TMPRSS11A: variants seen among roughly 807,000 people sequenced by gnomAD.
TMPRSS11A encodes the protein transmembrane serine protease 11A, also known as transmembrane protease serine 11A.
A neutral mutation model predicts 58.9 loss-of-function variants in TMPRSS11A; 53 were observed. The observed-to-expected ratio is 0.90, with a 90% CI of 0.72 to 1.13. TMPRSS11A has a LOEUF of 1.13. TMPRSS11A is among the 50% of genes most tolerant of loss of function. The probability of loss-of-function intolerance (pLI) is 0.00; values close to 1 mark genes in which losing one functional copy is unlikely to be tolerated. For missense variants in TMPRSS11A, 493 were observed against 499.3 expected, an observed-to-expected ratio of 0.99 and a Z score of 0.12; for synonymous variants, 167 against 169.8, an observed-to-expected ratio of 0.98 and a Z score of 0.13.
rs1354792919 is a variant in TMPRSS11A at position 67,911,299 on chromosome 4, T to C, written c.*43A>G. The C allele has an allele frequency of 3.1e-6, 5 of 1,592,912 alleles. No individual in the cohort carries two copies. The East Asian group carries it at 8.9e-5, about 28-fold the overall frequency. On this transcript the variant is annotated 3_prime_UTR_variant, in exon 10 of 10. Coordinates refer to ENST00000508048, the MANE Select transcript of TMPRSS11A (RefSeq NM_001114387.2). ...CTAAATAGTTGAATTCTCATGCATATATGACCTGCATACAGCTTTCTTTGT... is the reference window on the plus strand; with the variant it reads ...CTAAATAGTTGAATTCTCATGCATACATGACCTGCATACAGCTTTCTTTGT...
intron 1 of TMPRSS11A, among the ~76,000 whole-genome samples, chr4:67,954,460 G>A (rs1459653801): frequency 6.6e-6 from 1 of 152,174 alleles, no homozygotes; most frequent in Non-Finnish European, 1.5e-5. Flanking sequence ...ATTAATTTCA[G>A]TTCTTATCCC....
chr4:67,958,070 A>C (rs959307603), intron 1 of TMPRSS11A, among the ~76,000 whole-genome samples: 1 of 152,182 alleles, frequency 6.6e-6, no homozygotes, highest in African/African-American at 2.4e-5. Flanking sequence ...CAGAGGATGT[A>C]TGGAAATGCC....
At chr4:67,950,839 T>G (rs1449908524) in intron 1 of TMPRSS11A, among the ~76,000 whole-genome samples, 2 of 152,240 alleles carry the variant, frequency 1.3e-5, no homozygotes, top group Non-Finnish European at 1.5e-5. Context: ...AAGTAAGTGC[T>G]TAAAAATTAA....
At chr4:67,918,930 T>C in intron 8 of TMPRSS11A, 43 bp downstream of exon 8, 2 of 1,605,880 alleles carry the variant, frequency 1.2e-6, no homozygotes, top group Non-Finnish European at 1.7e-6. Context: ...CACATTGCCT[T>C]AGACAGGGCT....
Position 67,918,989 on chromosome 4 carries a change from T to C in TMPRSS11A, c.936A>G (p.Gly312=). The change falls in exon 8 of 10, where the codon GGA becomes GGG. Residue 312 remains glycine, a synonymous_variant. Coordinates refer to ENST00000508048, the MANE Select transcript of TMPRSS11A (RefSeq NM_001114387.2). ...GATACCCACCACCATAGTAAAGTGC[T>C]CCAAATCCTGTGATGTGGACAGTCA... ...PNLTVHITGF[G]ALYYGGESQN... The C allele has an allele frequency of 6.2e-7, 1 of 1,614,120 alleles. No homozygotes were observed. Among genetic ancestry groups the C allele is most frequent in the Non-Finnish European group, 8.5e-7 (1 of 1,180,016 alleles).
chr4:67,951,562 C>A (rs80209616), intron 1 of TMPRSS11A, among the ~76,000 whole-genome samples: 1 of 147,398 alleles, frequency 6.8e-6, no homozygotes, highest in Non-Finnish European at 1.5e-5. Context: ...TATCTCTAAG[C>A]TCCAAGTCTC....
intron 1 of TMPRSS11A, among the ~76,000 whole-genome samples, chr4:67,954,609 G>A (rs1232465842): frequency 6.6e-6 from 1 of 152,174 alleles, no homozygotes; most frequent in Non-Finnish European, 1.5e-5. Flanking sequence ...AGCTGCAGAG[G>A]CTTTCTTAAA....
In TMPRSS11A at chr4:67,963,432, A is replaced by G; in HGVS notation, c.-39T>C. On this transcript the variant is annotated 5_prime_UTR_variant, in exon 1 of 10. Transcript: ENST00000508048. The stretch of plus-strand genomic sequence containing the variant: ...AATATGATCTTGCAGGTCTGCACCC[A>G]CTGAACTCAACTTTCTAATCAACTA... 6.2e-7 allele frequency: 1 copy of G among 1,609,764 alleles called. No homozygotes were observed. The highest frequency in any genetic ancestry group is 8.5e-7 in the Non-Finnish European group (1 of 1,177,642).
At chr4:67,956,981 G>C (rs1338061170) in intron 1 of TMPRSS11A, among the ~76,000 whole-genome samples, 2 of 152,174 alleles carry the variant, frequency 1.3e-5, no homozygotes, top group Non-Finnish European at 2.9e-5. Flanking sequence ...AGTCTCATGA[G>C]ATCTGATGGT....
intron 1 of TMPRSS11A, among the ~76,000 whole-genome samples, chr4:67,949,838 G>A (rs887831802): frequency 7.2e-5 from 11 of 152,120 alleles, no homozygotes; most frequent in South Asian, 4.2e-4. Context: ...CAGCCTGGGC[G>A]ACTGGGAGAC....
At chr4:67,914,545 C>A (rs372254752) in intron 9 of TMPRSS11A, 43 bp downstream of exon 9, 137 of 1,581,434 alleles carry the variant, frequency 8.7e-5, no homozygotes, top group Middle Eastern at 5.0e-4. Flanking sequence ...GAGCCAGATA[C>A]AAATTTTTGA....
intron 1 of TMPRSS11A, among the ~76,000 whole-genome samples, chr4:67,958,308 G>A (rs1228506465): frequency 6.6e-6 from 1 of 152,234 alleles, no homozygotes; most frequent in Non-Finnish European, 1.5e-5. Context: ...CTCAATGCCA[G>A]CCTGTGAAAG....
chr4:67,960,934 T>C (rs1272759785), intron 1 of TMPRSS11A, among the ~76,000 whole-genome samples: 1 of 152,224 alleles, frequency 6.6e-6, no homozygotes, highest in Non-Finnish European at 1.5e-5. Context: ...GAATCTCACC[T>C]GAAGAAGTCA....
chr4:67,915,679 T>C (rs182131600), intron 8 of TMPRSS11A, among the ~76,000 whole-genome samples: 1 of 152,252 alleles, frequency 6.6e-6, no homozygotes, highest in African/African-American at 2.4e-5. Flanking sequence ...CCTAAAGAGT[T>C]AAAGCAGCAA....
intron 8 of TMPRSS11A, among the ~76,000 whole-genome samples, chr4:67,918,019 G>C (rs1372497212): frequency 6.6e-6 from 1 of 152,182 alleles, no homozygotes; most frequent in Non-Finnish European, 1.5e-5. Flanking sequence ...AAAATCTAGA[G>C]ACCCTAAAAC....
intron 1 of TMPRSS11A, among the ~76,000 whole-genome samples, chr4:67,963,126 A>G (rs1721479360): frequency 6.6e-6 from 1 of 152,242 alleles, no homozygotes; most frequent in South Asian, 2.1e-4. Context: ...ATAGTTTTTC[A>G]TTAACCTTTT....
At chr4:67,927,583 A>G (rs1477446517) in intron 5 of TMPRSS11A, among the ~76,000 whole-genome samples, 1 of 152,162 alleles carries the variant, frequency 6.6e-6, no homozygotes, top group East Asian at 1.9e-4. Flanking sequence ...CTGGTAGCGG[A>G]AGGTGGGCAC....
intron 1 of TMPRSS11A, among the ~76,000 whole-genome samples, chr4:67,961,462 C>CT (rs1339442821): frequency 1.5e-5 from 2 of 130,940 alleles, no homozygotes; most frequent in African/African-American, 6.7e-5. Context: ...CTTTTCTTTT[C>CT]TTTCCTTTCC....
At chr4:67,927,439 G>C (rs1403773088) in intron 5 of TMPRSS11A, among the ~76,000 whole-genome samples, 1 of 152,314 alleles carries the variant, frequency 6.6e-6, no homozygotes, top group African/African-American at 2.4e-5. Flanking sequence ...CAGCACACCT[G>C]TGCCAGTGCC....
Sources: gnomAD v4.1 joint callset for allele counts (sites outside exome capture counted in the v4.1 genomes callset) on GRCh38, gnomAD v4.1.1 for gene constraint, MANE v1.5 for transcripts, NCBI Gene and HGNC (gene_info 2026-07-23, HGNC 2026-07-21) for gene names.